PRKCE: variants seen among roughly 807,000 people sequenced by gnomAD.
PRKCE encodes protein kinase C epsilon.
A neutral mutation model predicts 85.4 loss-of-function variants in PRKCE; 16 were observed. The observed-to-expected ratio is 0.19, with a 90% CI of 0.13 to 0.28. The LOEUF is 0.28. Ranked by LOEUF, PRKCE falls within the 10% of genes least tolerant of loss-of-function variation. The pLI is 1.00. For missense variants in PRKCE, 573 were observed against 975.2 expected (o/e 0.59, Z 5.49); for synonymous variants, 388 against 371.5 (o/e 1.04, Z -0.51).
chr2:45,958,803 TATATATATATATA>T (rs1212803540), intron 2 of PRKCE, among the ~76,000 whole-genome samples: 1 of 23,280 alleles, frequency 4.3e-5, no homozygotes, highest in South Asian at 2.6e-3. Flanking sequence ...TATATATATA[TATATATATATATA>T]TTTTTTTTTT....
chr2:45,652,037 C>T lies in PRKCE; in HGVS notation c.-64C>T. ...CCTGTGGCTCGGAGTGCCGGGCCGT[C>T]GGTTCTTCATTCCTGCCCTCGGGGC... On this transcript the variant is annotated 5_prime_UTR_variant, in exon 1 of 15. Transcript: ENST00000306156. The surrounding 1 kb of genome is among the most constrained non-coding windows in gnomAD (Gnocchi z 7.7). 7.6e-7 allele frequency: 1 copy of T among 1,318,312 alleles called. No individual in the cohort carries two copies. Among genetic ancestry groups the T allele is most frequent in the Non-Finnish European group, 1.0e-6 (1 of 956,118 alleles). The allele number at this position is 1,318,312 out of a possible 1,614,324, so 81.7% of individuals were successfully genotyped here.
chr2:46,118,033 A>T (rs150813595), intron 11 of PRKCE, among the ~76,000 whole-genome samples: 1 of 152,232 alleles, frequency 6.6e-6, no homozygotes, highest in African/African-American at 2.4e-5. Context: ...CCATGAAATC[A>T]TGATGCTGAA....
chr2:46,132,745 C>A (rs531379086), intron 11 of PRKCE, among the ~76,000 whole-genome samples: 7 of 152,150 alleles, frequency 4.6e-5, no homozygotes, highest in Non-Finnish European at 8.8e-5. Context: ...TGGAAAGCAC[C>A]GCATGGTCTT....
chr2:45,919,095 A>T (rs1390870504), intron 2 of PRKCE, among the ~76,000 whole-genome samples: 1 of 152,182 alleles, frequency 6.6e-6, no homozygotes, highest in Non-Finnish European at 1.5e-5. Context: ...AGGTTGTTAT[A>T]TGGAAACAGC....
intron 10 of PRKCE, among the ~76,000 whole-genome samples, chr2:46,053,281 G>A (rs1269712106): frequency 6.6e-6 from 1 of 152,014 alleles, no homozygotes; most frequent in East Asian, 1.9e-4. Flanking sequence ...ACCTTATTAT[G>A]TTATAAGGGA....
At chr2:46,150,197 A>C (rs1025266051) in intron 12 of PRKCE, among the ~76,000 whole-genome samples, 1 of 152,186 alleles carries the variant, frequency 6.6e-6, no homozygotes, top group Non-Finnish European at 1.5e-5. Flanking sequence ...CATGCATTTA[A>C]TCTAAGTGAA....
chr2:46,120,600 T>A (rs1574521562), intron 11 of PRKCE, among the ~76,000 whole-genome samples: 2 of 152,212 alleles, frequency 1.3e-5, no homozygotes, highest in African/African-American at 4.8e-5. Context: ...ACAGCCATAT[T>A]TGCAGGTTTT....
chr2:46,034,430 T>G (rs1707727599), intron 10 of PRKCE, among the ~76,000 whole-genome samples: 1 of 152,224 alleles, frequency 6.6e-6, no homozygotes, highest in African/African-American at 2.4e-5. Context: ...TGTTTGCATA[T>G]TTGGTATTGT....
intron 2 of PRKCE, among the ~76,000 whole-genome samples, chr2:45,879,307 C>G (rs1318577996): frequency 6.6e-6 from 1 of 152,250 alleles, no homozygotes; most frequent in Non-Finnish European, 1.5e-5. Context: ...ACTCCATCCC[C>G]TTTCCCGCTC....
chr2:45,662,792 A>C lies in PRKCE; in HGVS notation c.348+10344A>C, dbSNP rs1675733710. Among the ~76,000 whole-genome samples, 7 of 152,162 alleles carry C rather than the reference A, an allele frequency of 4.6e-5. No homozygotes were observed. The South Asian group carries it at 1.5e-3, about 32-fold the overall frequency. ...TTACCTACCTTTGTTCAAGGCCCAC[A>C]AAAAATAAATTTAATTCTTAAATGG... On this transcript the variant is annotated intron_variant, in intron 1 of 14. Transcript: ENST00000306156.
chr2:45,759,292 C>G (rs534139369), intron 1 of PRKCE, among the ~76,000 whole-genome samples: 46 of 152,314 alleles, frequency 3.0e-4, no homozygotes, highest in African/African-American at 1.0e-3. Flanking sequence ...TGAAGGACAG[C>G]TGACTCCAGG....
intron 11 of PRKCE, among the ~76,000 whole-genome samples, chr2:46,121,336 G>C (rs1673294545): frequency 6.6e-6 from 1 of 152,120 alleles, no homozygotes; most frequent in African/African-American, 2.4e-5. Flanking sequence ...GGCCTCTTGG[G>C]GCCAGACTGC....
intron 1 of PRKCE, among the ~76,000 whole-genome samples, chr2:45,802,832 A>T (rs1397588179): frequency 6.6e-6 from 1 of 152,252 alleles, no homozygotes; most frequent in Non-Finnish European, 1.5e-5. Context: ...TGCACAGTAT[A>T]TGCACTAAAT....
intron 11 of PRKCE, among the ~76,000 whole-genome samples, chr2:46,111,978 A>T (rs1319558255): frequency 6.6e-6 from 1 of 152,174 alleles, no homozygotes; most frequent in African/African-American, 2.4e-5. Context: ...ACTTGTCGTT[A>T]TCTGTTTTTC....
At chr2:46,062,934 T>A (rs1316843211) in intron 10 of PRKCE, among the ~76,000 whole-genome samples, 1 of 152,226 alleles carries the variant, frequency 6.6e-6, no homozygotes, top group Non-Finnish European at 1.5e-5. Context: ...CGGCCTCAGC[T>A]TATTAATGTA....
At chr2:45,710,872 C>A (rs187383344) in intron 1 of PRKCE, among the ~76,000 whole-genome samples, 1 of 152,248 alleles carries the variant, frequency 6.6e-6, no homozygotes, top group Non-Finnish European at 1.5e-5. Flanking sequence ...ATGACACAAC[C>A]TGACTTGTCT....
rs1051834632 is a variant in PRKCE, at chr2:46,041,087, C to T, written c.1437+30570C>T. Among the ~76,000 whole-genome samples, 4 of 152,278 alleles carry T rather than the reference C, an allele frequency of 2.6e-5. No individual in the cohort carries two copies. Among genetic ancestry groups the T allele is most frequent in the East Asian group, 1.9e-4 (1 of 5,186 alleles). ...CATTTCTATCTGTGAGTAGGTGGCACGAGGTATTCATTTCATAAGTAGGTT... is the reference window on the plus strand; with the variant it reads ...CATTTCTATCTGTGAGTAGGTGGCATGAGGTATTCATTTCATAAGTAGGTT... On this transcript the variant is annotated intron_variant, in intron 10 of 14. Coordinates refer to ENST00000306156, the MANE Select transcript of PRKCE (RefSeq NM_005400.3). This position sits in a 1 kb window ranked among gnomAD's most constrained non-coding sequence, Gnocchi z 5.5.
intron 1 of PRKCE, among the ~76,000 whole-genome samples, chr2:45,722,504 C>A (rs1021759222): frequency 6.6e-6 from 1 of 152,192 alleles, no homozygotes; most frequent in Non-Finnish European, 1.5e-5. Flanking sequence ...CTTTGGGAAC[C>A]ACTGCTTACA....
intron 2 of PRKCE, among the ~76,000 whole-genome samples, chr2:45,919,112 C>T (rs1471065340): frequency 6.6e-6 from 1 of 152,136 alleles, no homozygotes; most frequent in African/African-American, 2.4e-5. Context: ...CAGCTGGTTC[C>T]ACTTGAATTT....
Sources: gnomAD v4.1 joint callset for allele counts (sites outside exome capture counted in the v4.1 genomes callset) on GRCh38, gnomAD v4.1.1 for gene constraint, Gnocchi (gnomAD v3.1) non-coding constraint, MANE v1.5 for transcripts, NCBI Gene and HGNC (gene_info 2026-07-23, HGNC 2026-07-21) for gene names.